PEX13: variants seen among roughly 807,000 people sequenced by gnomAD.
PEX13 encodes peroxisomal biogenesis factor 13.
In PEX13, 28 loss-of-function variants were observed where a neutral mutation model predicts 34.5. That is an observed-to-expected ratio of 0.81 (90% CI 0.60 to 1.11). The LOEUF (loss-of-function observed/expected upper bound fraction) is 1.11, where lower values mean the gene tolerates loss of function less well. PEX13 is among the 50% of genes most tolerant of loss of function. The pLI is 0.00. For missense variants in PEX13, 550 were observed against 491.0 expected (o/e 1.12, Z -1.13); for synonymous variants, 177 against 175.1 (o/e 1.01, Z -0.09).
rs150968133 is a variant in PEX13 at position 61,020,741 on chromosome 2, A to G, written c.92+2890A>G. On this transcript the variant is annotated intron_variant, in intron 1 of 3. Coordinates refer to ENST00000295030, the MANE Select transcript of PEX13 (RefSeq NM_002618.4). ...GCAATCTTGGCTCATGGCAACCTCT[A>G]CCTCCTGGGTTCAAGTGATTCTCCT... Among the ~76,000 whole-genome samples the G allele has an allele frequency of 6.1e-3, 918 of 151,648 alleles. 9 individuals are homozygous for G. The highest frequency in any genetic ancestry group is 0.02 in the African/African-American group (846 of 41,298).
chr2:61,042,914 C>A (rs1022732700), intron 2 of PEX13, among the ~76,000 whole-genome samples: 1 of 152,206 alleles, frequency 6.6e-6, no homozygotes, highest in South Asian at 2.1e-4. Context: ...CTTGGCTCAT[C>A]ATGACCCAAT....
At chr2:61,033,168 G>A (rs1680480095) in intron 2 of PEX13, among the ~76,000 whole-genome samples, 1 of 152,138 alleles carries the variant, frequency 6.6e-6, no homozygotes. Context: ...GATTTGGGTT[G>A]TATTCACCTT....
At chr2:61,019,993 G>A (rs552290511) in intron 1 of PEX13, among the ~76,000 whole-genome samples, 1 of 152,254 alleles carries the variant, frequency 6.6e-6, no homozygotes, top group South Asian at 2.1e-4. Flanking sequence ...GGGAGACTGG[G>A]CGGGCAGATC....
chr2:61,048,223 A>C (rs554476085), intron 3 of PEX13, among the ~76,000 whole-genome samples: 16 of 152,348 alleles, frequency 1.1e-4, no homozygotes, highest in African/African-American at 3.4e-4. Flanking sequence ...TGAATGGACC[A>C]ACTGATAATA....
chr2:61,025,793 T>C (rs1210094412), intron 1 of PEX13, among the ~76,000 whole-genome samples: 1 of 152,242 alleles, frequency 6.6e-6, no homozygotes, highest in African/African-American at 2.4e-5. Context: ...CTAGAATCAC[T>C]TTAATCCAAT....
At chr2:61,021,778 G>A (rs538597417) in intron 1 of PEX13, among the ~76,000 whole-genome samples, 89 of 152,336 alleles carry the variant, frequency 5.8e-4, no homozygotes, top group African/African-American at 1.6e-3. Flanking sequence ...GGGGCTGACA[G>A]ACACCTCAAA....
chr2:61,042,471 A>G (rs1680640739), intron 2 of PEX13, among the ~76,000 whole-genome samples: 1 of 152,208 alleles, frequency 6.6e-6, no homozygotes, highest in African/African-American at 2.4e-5. Flanking sequence ...GGCACAGTAT[A>G]GTATGAATTA....
intron 2 of PEX13, among the ~76,000 whole-genome samples, chr2:61,037,340 CAT>C (rs1406869636): frequency 6.6e-6 from 1 of 152,230 alleles, no homozygotes; most frequent in Non-Finnish European, 1.5e-5. Flanking sequence ...CCACATCACA[CAT>C]ATTCTAAAAT....
At chr2:61,026,212 G>A (rs564746828) in intron 1 of PEX13, among the ~76,000 whole-genome samples, 3 of 151,740 alleles carry the variant, frequency 2.0e-5, no homozygotes, top group East Asian at 3.9e-4. Flanking sequence ...TAATTACCTC[G>A]ACAACCATTA....
At chr2:61,018,214 G>A (rs985487782) in intron 1 of PEX13, 1 of 1,550,960 alleles carries the variant, frequency 6.4e-7, no homozygotes, top group Non-Finnish European at 8.7e-7. Context: ...AGTTGAGAGC[G>A]GCATTTGTCC....
At chr2:61,018,139 C>A in intron 1 of PEX13, 10 of 1,549,876 alleles carry the variant, frequency 6.5e-6, no homozygotes, top group Non-Finnish European at 7.9e-6. Flanking sequence ...TCCTACCTAC[C>A]GCTTCTGTTT....
At chr2:61,036,379 G>A (rs1477003268) in intron 2 of PEX13, among the ~76,000 whole-genome samples, 1 of 152,158 alleles carries the variant, frequency 6.6e-6, no homozygotes, top group African/African-American at 2.4e-5. Flanking sequence ...AGCAGCCAGA[G>A]AGAAAGGCCG....
intron 1 of PEX13, among the ~76,000 whole-genome samples, chr2:61,030,771 T>C (rs915761071): frequency 1.3e-5 from 2 of 152,166 alleles, no homozygotes; most frequent in African/African-American, 2.4e-5. Flanking sequence ...TATAACTATC[T>C]TAAATAACAA....
Position 61,031,589 on chromosome 2 carries a change from C to T in PEX13, c.263C>T (p.Ser88Leu), listed in dbSNP as rs746977997. 3 of 1,614,130 alleles carry T rather than the reference C, an allele frequency of 1.9e-6. No homozygotes were observed. The highest frequency in any genetic ancestry group is 1.7e-6 in the Non-Finnish European group (2 of 1,180,030). Residue 88 changes from serine (S) to leucine (L), a missense_variant, in exon 2 of 4, where the codon TCA (serine) becomes TTA (leucine). Physicochemically the swap from Ser to Leu is moderately radical, Grantham distance 145 (BLOSUM62 -2). Coordinates refer to ENST00000295030, the MANE Select transcript of PEX13 (RefSeq NM_002618.4). ...FSSGYGAYGN[S>L]FYGGYSPYSY... ...TCTGGATATGGTGCCTATGGAAATT[C>T]ATTTTATGGAGGCTATAGTCCTTAT...
At chr2:61,030,904 G>A (rs750981740) in intron 1 of PEX13, among the ~76,000 whole-genome samples, 1 of 152,124 alleles carries the variant, frequency 6.6e-6, no homozygotes, top group Non-Finnish European at 1.5e-5. Context: ...TGAATATGGG[G>A]TTTCTTTTTT....
chr2:61,018,176 C>T, intron 1 of PEX13: 2 of 1,550,814 alleles, frequency 1.3e-6, no homozygotes, highest in Non-Finnish European at 1.7e-6. Context: ...GCTTCTCTAT[C>T]TTTAAAGCGT....
At position 61,050,836 on chromosome 2, in the gene PEX13, T is replaced by C. The variant is rs1352760234; in HGVS notation, c.*2066T>C. ...CGGGGTTTCACCGTGTTACCCAGGA[T>C]GGTCTCCATCTCCTGACCTCGTGAT... On this transcript the variant is annotated 3_prime_UTR_variant, in exon 4 of 4. Coordinates refer to ENST00000295030, the MANE Select transcript of PEX13 (RefSeq NM_002618.4). 1 of 152,330 alleles carries C rather than the reference T, an allele frequency of 6.6e-6. No homozygotes were observed. Among genetic ancestry groups the C allele is most frequent in the African/African-American group, 2.4e-5 (1 of 41,464 alleles). The allele number at this position is 152,330 out of a possible 1,614,324, so 9.4% of individuals were successfully genotyped here.
intron 1 of PEX13, among the ~76,000 whole-genome samples, chr2:61,021,886 G>T (rs1057487630): frequency 1.3e-5 from 2 of 152,136 alleles, no homozygotes; most frequent in African/African-American, 2.4e-5. Flanking sequence ...AGGCAAACAG[G>T]GTCTGCAGTG....
At chr2:61,040,347 C>T (rs1336929951) in intron 2 of PEX13, among the ~76,000 whole-genome samples, 1 of 152,022 alleles carries the variant, frequency 6.6e-6, no homozygotes, top group African/African-American at 2.4e-5. Flanking sequence ...ACATGTCCAT[C>T]AATGATAGAC....
Sources: gnomAD v4.1 joint callset for allele counts (sites outside exome capture counted in the v4.1 genomes callset) on GRCh38, gnomAD v4.1.1 for gene constraint, MANE v1.5 for transcripts, NCBI Gene and HGNC (gene_info 2026-07-23, HGNC 2026-07-21) for gene names.